Variants in RFX7 observed in about 807,000 individuals in gnomAD.
RFX7 encodes the protein DNA-binding protein RFX7.
RFX7 carries 26 observed loss-of-function variants against 111.8 expected under a neutral mutation model. The observed-to-expected ratio is 0.23, with a 90% CI of 0.17 to 0.32. The LOEUF (loss-of-function observed/expected upper bound fraction) is 0.32, where lower values mean the gene tolerates loss of function less well. RFX7 is among the 10% of genes least tolerant of loss of function. The pLI is 1.00. For synonymous variants in RFX7, 624 were observed against 624.4 expected, an observed-to-expected ratio of 1.00 and a Z score of 0.01; for missense variants, 1,573 against 1,772.9, an observed-to-expected ratio of 0.89 and a Z score of 2.02.
At chr15:56,127,982 C>G (rs536090796) in intron 5 of RFX7, among the ~76,000 whole-genome samples, 2 of 149,186 alleles carry the variant, frequency 1.3e-5, no homozygotes, top group South Asian at 4.2e-4. Flanking sequence ...AAATGTACTA[C>G]AAGGGAATAC....
chr15:56,194,960 T>C (rs1315884612), intron 2 of RFX7, among the ~76,000 whole-genome samples: 1 of 152,138 alleles, frequency 6.6e-6, no homozygotes, highest in East Asian at 1.9e-4. Context: ...AATGGGCTGA[T>C]GTTCATAGCA....
chr15:56,197,012 T>C (rs2043151827), intron 2 of RFX7, among the ~76,000 whole-genome samples: 1 of 152,166 alleles, frequency 6.6e-6, no homozygotes, highest in African/African-American at 2.4e-5. Context: ...CTATACTCCA[T>C]CAGCTGTGTA....
rs1414318113 is a variant in RFX7 at position 56,087,502 on chromosome 15, C to A, written c.*5843G>T. On this transcript the variant is annotated 3_prime_UTR_variant, in exon 10 of 10. Coordinates refer to ENST00000559447, the MANE Select transcript of RFX7 (RefSeq NM_022841.7). Reference sequence around the variant, plus strand: ...CATTCCAGCCAGCAGAGAGGAAGGACAAGAACACTGCAAAGAAGTAGCACC... The same window carrying A: ...CATTCCAGCCAGCAGAGAGGAAGGAAAAGAACACTGCAAAGAAGTAGCACC... 4.4e-6 allele frequency: 2 copies of A among 456,708 alleles called. No homozygotes were observed. Among genetic ancestry groups the A allele is most frequent in the Admixed American group, 4.7e-5 (2 of 42,576 alleles). The allele number at this position is 456,708 out of a possible 1,614,324, so 28.3% of individuals were successfully genotyped here.
intron 2 of RFX7, among the ~76,000 whole-genome samples, chr15:56,239,644 G>C (rs570000612): frequency 6.1e-4 from 93 of 152,232 alleles, no homozygotes; most frequent in African/African-American, 2.2e-3. Context: ...CACTAAAAAC[G>C]TTTGGGATTT....
chr15:56,145,067 C>T (rs1367239768), intron 3 of RFX7, among the ~76,000 whole-genome samples: 1 of 152,164 alleles, frequency 6.6e-6, no homozygotes, highest in Non-Finnish European at 1.5e-5. Context: ...TATTTGTTGG[C>T]TTGCCAACAG....
intron 2 of RFX7, 102 bp from the exon 3 acceptor site, chr15:56,179,405 A>C: frequency 2.6e-6 from 1 of 383,188 alleles, no homozygotes; most frequent in Non-Finnish European, 4.6e-6. Context: ...ACTAAGAAAA[A>C]AATAAATACA....
intron 5 of RFX7, among the ~76,000 whole-genome samples, chr15:56,105,085 CAA>C (rs1357810320): frequency 6.6e-6 from 1 of 152,042 alleles, no homozygotes; most frequent in Non-Finnish European, 1.5e-5. Context: ...CAAACCGGCA[CAA>C]AAAGAAAATG....
intron 3 of RFX7, among the ~76,000 whole-genome samples, chr15:56,174,205 G>C (rs993039164): frequency 6.6e-6 from 1 of 152,094 alleles, no homozygotes; most frequent in Admixed American, 6.6e-5. Flanking sequence ...TTGAATTCAA[G>C]AGGCGGAGGT....
chr15:56,095,309 T>C lies in RFX7; in HGVS notation c.2419A>G (p.Ile807Val), dbSNP rs1320779359. ...TCATTGATATCAGAGTGCTCAGGAA[T>C]TGTCATAACACTGATATCTTGCTGT... ...EQQQDISVMTIPEHSDINDLE... is the reference protein window; with the variant it reads ...EQQQDISVMTVPEHSDINDLE... The change falls in exon 10 of 10, where the codon ATT (isoleucine) becomes GTT (valine). Residue 807 changes from isoleucine to valine, a missense_variant. Coordinates refer to ENST00000559447, the MANE Select transcript of RFX7 (RefSeq NM_022841.7). The C allele has an allele frequency of 6.2e-7, 1 of 1,613,988 alleles. No individual in the cohort carries two copies.
intron 2 of RFX7, among the ~76,000 whole-genome samples, chr15:56,217,747 G>A (rs1390306452): frequency 2.6e-5 from 4 of 152,170 alleles, no homozygotes; most frequent in Non-Finnish European, 5.9e-5. Context: ...ATTGTACACA[G>A]TTTTAATGAT....
At chr15:56,235,453 T>C (rs1277914075) in intron 2 of RFX7, among the ~76,000 whole-genome samples, 1 of 152,186 alleles carries the variant, frequency 6.6e-6, no homozygotes, top group African/African-American at 2.4e-5. Context: ...TGTTCTCATC[T>C]TGTAGCTACT....
At chr15:56,138,287 A>T (rs1458954385) in intron 5 of RFX7, among the ~76,000 whole-genome samples, 1 of 146,990 alleles carries the variant, frequency 6.8e-6, no homozygotes, top group Non-Finnish European at 1.5e-5. Context: ...TGCTTTATGA[A>T]TCTGGGTGCT....
Position 56,151,226 on chromosome 15 carries a change from T to A in RFX7, c.196-6743A>T, listed in dbSNP as rs974237774. Reference sequence around the variant, plus strand: ...ACAGAGACCACCACAAAGATACTCCTCGAGAAGAGCAACCCCAAGACACAT... The same window carrying A: ...ACAGAGACCACCACAAAGATACTCCACGAGAAGAGCAACCCCAAGACACAT... On this transcript the variant is annotated intron_variant, in intron 3 of 9. Transcript: ENST00000559447. Among the ~76,000 whole-genome samples the A allele has an allele frequency of 5.9e-5, 9 of 151,992 alleles. No individual in the cohort carries two copies. In the East Asian group the frequency reaches 1.2e-3, roughly 20 times the overall value.
intron 3 of RFX7, among the ~76,000 whole-genome samples, chr15:56,146,094 T>C (rs140371320): frequency 6.6e-6 from 1 of 152,226 alleles, no homozygotes; most frequent in East Asian, 1.9e-4. Context: ...TCCTGAAATT[T>C]TTTTTTGTCA....
At chr15:56,117,042 G>C (rs1367888376) in intron 5 of RFX7, among the ~76,000 whole-genome samples, 1 of 152,188 alleles carries the variant, frequency 6.6e-6, no homozygotes, top group Non-Finnish European at 1.5e-5. Flanking sequence ...GAGTGTAAGA[G>C]GTTATGAGGC....
intron 2 of RFX7, among the ~76,000 whole-genome samples, chr15:56,231,257 G>C (rs968368283): frequency 6.6e-6 from 1 of 152,138 alleles, no homozygotes; most frequent in African/African-American, 2.4e-5. Flanking sequence ...ACTGAATTAT[G>C]GTCTTGGCAG....
intron 2 of RFX7, among the ~76,000 whole-genome samples, chr15:56,206,050 A>G (rs1192850590): frequency 7.2e-5 from 11 of 152,160 alleles, no homozygotes; most frequent in African/African-American, 2.7e-4. Context: ...CAAAATATTA[A>G]AATTACCATA....
rs149062170 is a variant in RFX7 at position 56,197,953 on chromosome 15, T to C, written c.162-18650A>G. Among the ~76,000 whole-genome samples the C allele has an allele frequency of 3.4e-4, 52 of 152,080 alleles. No individual in the cohort carries two copies. In the East Asian group the frequency reaches 8.1e-3, roughly 24 times the overall value. On this transcript the variant is annotated intron_variant, in intron 2 of 9. Coordinates refer to ENST00000559447, the MANE Select transcript of RFX7 (RefSeq NM_022841.7). ...CTGAATTAGTTCAAAATCCAGAAAATTGTGATGTTATAAATATCATTTATT... is the reference window on the plus strand; with the variant it reads ...CTGAATTAGTTCAAAATCCAGAAAACTGTGATGTTATAAATATCATTTATT...
Position 56,091,621 on chromosome 15 carries a change from T to C in RFX7, c.*1724A>G, listed in dbSNP as rs1331630422. The stretch of plus-strand genomic sequence containing the variant: ...CACACAGTTTCCTTTGGGTATTGCA[T>C]ACTTTGGTGTGCAGTAGTGCTGTGT... On this transcript the variant is annotated 3_prime_UTR_variant, in exon 10 of 10. Coordinates refer to ENST00000559447, the MANE Select transcript of RFX7 (RefSeq NM_022841.7). 1 of 152,338 alleles carries C rather than the reference T, an allele frequency of 6.6e-6. No individual in the cohort carries two copies. The highest frequency in any genetic ancestry group is 6.6e-5 in the Admixed American group (1 of 15,252). 9.4% of individuals were successfully genotyped at this position (152,338 alleles called of 1,614,324 possible).
Sources: allele counts gnomAD v4.1 joint callset (sites outside exome capture counted in the v4.1 genomes callset), GRCh38; gene constraint gnomAD v4.1.1; transcripts MANE v1.5; gene names NCBI Gene and HGNC (gene_info 2026-07-23, HGNC 2026-07-21).